The following AAMDC variants were observed in gnomAD, a reference collection of about 807,000 sequenced individuals.
AAMDC encodes the protein adipogenesis associated Mth938 domain containing.
AAMDC carries 16 observed loss-of-function variants against 15.5 expected under a neutral mutation model. That is an observed-to-expected ratio of 1.03 (90% CI 0.70 to 1.57). AAMDC has a LOEUF of 1.57. Ranked by LOEUF, AAMDC falls within the 40% of genes most tolerant of loss-of-function variation. The pLI is 0.00. For missense variants in AAMDC, 141 were observed against 144.9 expected (o/e 0.97, Z 0.14); for synonymous variants, 51 against 51.6 (o/e 0.99, Z 0.05).
At chr11:77,858,922 A>G (rs1229239661) in intron 2 of AAMDC, among the ~76,000 whole-genome samples, 1 of 152,206 alleles carries the variant, frequency 6.6e-6, no homozygotes, top group African/African-American at 2.4e-5. Context: ...AGGGATTGAA[A>G]TGCATGGCCT....
At chr11:77,865,424 G>A (rs375890663) in intron 2 of AAMDC, among the ~76,000 whole-genome samples, 1 of 152,114 alleles carries the variant, frequency 6.6e-6, no homozygotes, top group South Asian at 2.1e-4. Context: ...TGTAGGAACC[G>A]GTTGTAGGCA....
downstream of AAMDC, chr11:77,877,013 A>C (rs746882267): frequency 1.4e-6 from 1 of 703,194 alleles, no homozygotes; most frequent in South Asian, 1.5e-5. Context: ...CCACCTGGCT[A>C]CAGCTTCATG....
At chr11:77,885,688 G>A (rs772619460) in intron 5 of AAMDC, among the ~76,000 whole-genome samples, 18 of 152,094 alleles carry the variant, frequency 1.2e-4, no homozygotes, top group African/African-American at 3.1e-4. Context: ...GTATGGTGGC[G>A]TGTGCCTGTA....
chr11:77,877,566 G>A (rs967073361), intron 5 of AAMDC, among the ~76,000 whole-genome samples: 4 of 152,208 alleles, frequency 2.6e-5, no homozygotes, highest in Admixed American at 2.6e-4. Flanking sequence ...TACTTCCCCT[G>A]AGGTGGTATA....
chr11:77,824,798 T>C (rs1328330890), intron 1 of AAMDC, among the ~76,000 whole-genome samples: 2 of 152,236 alleles, frequency 1.3e-5, no homozygotes, highest in Non-Finnish European at 2.9e-5. Flanking sequence ...CAAAATTCAT[T>C]GAACTCTATA....
chr11:77,858,631 CT>C (rs1950742694), intron 2 of AAMDC, among the ~76,000 whole-genome samples: 1 of 152,146 alleles, frequency 6.6e-6, no homozygotes, highest in African/African-American at 2.4e-5. Flanking sequence ...TCAGTCCCCC[CT>C]CTCAACAGGA....
At position 77,836,873 on chromosome 11, in the gene AAMDC, G is replaced by A. The variant is rs1174279410; in HGVS notation, c.-18-5606G>A. On this transcript the variant is annotated intron_variant, in intron 1 of 3. Transcript: ENST00000393427. Reference sequence around the variant, plus strand: ...CTAACTTCTCAGGAGGCTGAGGCAGGAGAATCGCTTGAACCCGGGAGGCGG... The same window carrying A: ...CTAACTTCTCAGGAGGCTGAGGCAGAAGAATCGCTTGAACCCGGGAGGCGG... Among the ~76,000 whole-genome samples, 4 of 152,104 alleles carry A rather than the reference G, an allele frequency of 2.6e-5. No individual in the cohort carries two copies. The East Asian group carries it at 7.8e-4, about 30-fold the overall frequency.
At chr11:77,894,537 T>A (rs1392813011) in intron 5 of AAMDC, among the ~76,000 whole-genome samples, 2 of 152,170 alleles carry the variant, frequency 1.3e-5, no homozygotes, top group Non-Finnish European at 2.9e-5. Context: ...AAGACCTGAT[T>A]AAACCACTGC....
chr11:77,901,585 AT>A (rs1244180342), downstream of AAMDC: 3 of 1,513,680 alleles, frequency 2.0e-6, no homozygotes, highest in South Asian at 2.3e-5. Context: ...ATCAATAAAA[AT>A]ATCATAGTCT....
At chr11:77,901,528 C>T (rs1371612913), downstream of AAMDC, 3 of 1,609,082 alleles carry the variant, frequency 1.9e-6, no homozygotes, top group African/African-American at 2.7e-5. Context: ...ACATGAATTC[C>T]ATTTTGTAGG....
chr11:77,826,029 T>C (rs540564348), intron 1 of AAMDC, among the ~76,000 whole-genome samples: 2 of 152,258 alleles, frequency 1.3e-5, no homozygotes, highest in South Asian at 2.1e-4. Flanking sequence ...GTCTATTCTC[T>C]GACAAGCCTG....
chr11:77,857,691 A>G (rs892401598), intron 2 of AAMDC, among the ~76,000 whole-genome samples: 1 of 150,890 alleles, frequency 6.6e-6, no homozygotes, highest in Non-Finnish European at 1.5e-5. Context: ...CAACCCATCA[A>G]CTAAGTTGTT....
chr11:77,868,178 C>G (rs978998131), intron 2 of AAMDC, among the ~76,000 whole-genome samples: 2 of 151,290 alleles, frequency 1.3e-5, no homozygotes, highest in African/African-American at 2.4e-5. Context: ...GCCTCAGCCT[C>G]CCGAGTAGCT....
intron 5 of AAMDC, among the ~76,000 whole-genome samples, chr11:77,877,577 G>C (rs1951633611): frequency 6.6e-6 from 1 of 152,180 alleles, no homozygotes; most frequent in Admixed American, 6.5e-5. Context: ...AGGTGGTATA[G>C]CTTAGACCTT....
At chr11:77,885,399 T>A (rs1273203868) in intron 5 of AAMDC, among the ~76,000 whole-genome samples, 1 of 152,070 alleles carries the variant, frequency 6.6e-6, no homozygotes. Context: ...TTAAAGCTGC[T>A]ACTCCCCACT....
At chr11:77,859,749 G>A (rs1433558041) in intron 2 of AAMDC, among the ~76,000 whole-genome samples, 1 of 152,218 alleles carries the variant, frequency 6.6e-6, no homozygotes, top group African/African-American at 2.4e-5. Flanking sequence ...GCATAGGTTT[G>A]AGCAATTACT....
intron 1 of AAMDC, among the ~76,000 whole-genome samples, chr11:77,824,420 G>A (rs1346119121): frequency 6.6e-6 from 1 of 152,118 alleles, no homozygotes; most frequent in Non-Finnish European, 1.5e-5. Context: ...CAAATTTCAT[G>A]TCCTATTAGG....
At chr11:77,830,987 C>CAAAAAAAAAAAAAAAAA (rs59283485) in intron 1 of AAMDC, among the ~76,000 whole-genome samples, 2 of 100,512 alleles carry the variant, frequency 2.0e-5, no homozygotes, top group Admixed American at 1.1e-4. Context: ...CAAAATATAC[C>CAAAAAAAAAAAAAAAAA]AAAAAAAAAA....
At position 77,869,827 on chromosome 11, in the gene AAMDC, G is replaced by T. The variant is rs1167986398; in HGVS notation, c.228+10G>T. On this transcript the variant is annotated intron_variant, in intron 3 of 3. Transcript: ENST00000393427. ...GAGTGAGGCCTTGAAGGTAGGTGTT[G>T]GTATGCACAGCATTCCTGAGGACAG... 11 of 1,612,080 alleles carry T rather than the reference G, an allele frequency of 6.8e-6. No individual in the cohort carries two copies. Among genetic ancestry groups the T allele is most frequent in the Non-Finnish European group, 9.3e-6 (11 of 1,178,390 alleles).
Sources: allele counts gnomAD v4.1 joint callset (sites outside exome capture counted in the v4.1 genomes callset), GRCh38; gene constraint gnomAD v4.1.1; transcripts MANE v1.5; gene names NCBI Gene and HGNC (gene_info 2026-07-23, HGNC 2026-07-21).